SEMA5A: variants seen among roughly 807,000 people sequenced by gnomAD.
The protein encoded by SEMA5A is semaphorin-5A.
In SEMA5A, 55 loss-of-function variants were observed where a neutral mutation model predicts 135.5. The ratio of observed to expected loss-of-function variants is 0.41; its 90% CI spans 0.33 to 0.51. The LOEUF is 0.51. Ranked by LOEUF, SEMA5A falls within the 20% of genes least tolerant of loss-of-function variation. The pLI, the probability that SEMA5A is intolerant of heterozygous loss-of-function variation, is 0.37. For missense variants in SEMA5A, 1,290 were observed against 1,419.9 expected, an observed-to-expected ratio of 0.91 and a Z score of 1.47; for synonymous variants, 580 against 546.5, an observed-to-expected ratio of 1.06 and a Z score of -0.85.
chr5:9,513,860 G>A (rs114295625), intron 1 of SEMA5A, among the ~76,000 whole-genome samples: 67 of 152,286 alleles, frequency 4.4e-4, no homozygotes, highest in African/African-American at 1.5e-3. Context: ...AAGCTCACTA[G>A]TGAGATAGTG....
intron 16 of SEMA5A, among the ~76,000 whole-genome samples, chr5:9,090,948 G>T (rs1738998844): frequency 6.6e-6 from 1 of 152,196 alleles, no homozygotes; most frequent in African/African-American, 2.4e-5. Flanking sequence ...TCTGCAAAGT[G>T]CCAGGCTTGT....
rs565336408 is a variant in SEMA5A, at chr5:9,520,423, G to T, written c.-175+25161C>A. ...GTCGCTGAAATGGAGTGAGGGGAAC[G>T]TGAGCCTCTTGAAGGACAGGGCACT... On this transcript the variant is annotated intron_variant, in intron 1 of 22. Transcript: ENST00000382496. Among the ~76,000 whole-genome samples, 6 of 152,248 alleles carry T rather than the reference G, an allele frequency of 3.9e-5. No homozygotes were observed. The South Asian group carries it at 1.2e-3, about 32-fold the overall frequency.
rs536094912 is a variant in SEMA5A, at chr5:9,287,270, T to C, written c.270+31102A>G. On this transcript the variant is annotated intron_variant, in intron 5 of 22. Transcript: ENST00000382496. ...TATTAACATCATCAGCTAGGGTTAA[T>C]TGAATATCTGTTAAGTAACTTTGGT... 4.6e-5 allele frequency among the ~76,000 whole-genome samples: 7 copies of C among 152,344 alleles called. No individual in the cohort carries two copies. The East Asian group carries it at 1.2e-3, about 25-fold the overall frequency.
At chr5:9,238,825 T>G (rs2150455500) in intron 5 of SEMA5A, among the ~76,000 whole-genome samples, 1 of 152,266 alleles carries the variant, frequency 6.6e-6, no homozygotes, top group Non-Finnish European at 1.5e-5. Context: ...ATTGGATTTC[T>G]GAAGGAACAG....
chr5:9,237,939 A>G lies in SEMA5A; in HGVS notation c.271-49T>C, dbSNP rs1421163471. ...GCAGTCATGGTTTTGACTAAATAAAAGGGAAAATATAAACAAGGTAACAAG... is the reference window on the plus strand; with the variant it reads ...GCAGTCATGGTTTTGACTAAATAAAGGGGAAAATATAAACAAGGTAACAAG... On this transcript the variant is annotated intron_variant, in intron 5 of 22. Coordinates refer to ENST00000382496, the MANE Select transcript of SEMA5A (RefSeq NM_003966.3). The G allele has an allele frequency of 2.6e-6, 4 of 1,565,054 alleles. No homozygotes were observed. The East Asian group carries it at 9.0e-5, about 35-fold the overall frequency.
chr5:9,486,902 A>G (rs990198179), intron 1 of SEMA5A, among the ~76,000 whole-genome samples: 1 of 152,192 alleles, frequency 6.6e-6, no homozygotes, highest in Admixed American at 6.5e-5. Context: ...TCAAATTTTC[A>G]AAAGAAAAAT....
At chr5:9,362,287 C>A (rs990514511) in intron 3 of SEMA5A, among the ~76,000 whole-genome samples, 1 of 152,166 alleles carries the variant, frequency 6.6e-6, no homozygotes, top group African/African-American at 2.4e-5. Flanking sequence ...GGATTCCAGA[C>A]TTGACCTCTC....
chr5:9,111,853 C>G (rs1405448684), intron 15 of SEMA5A, among the ~76,000 whole-genome samples: 2 of 152,170 alleles, frequency 1.3e-5, no homozygotes, highest in African/African-American at 4.8e-5. Context: ...GCCCCCAGCC[C>G]AACTAACTCA....
chr5:9,400,905 G>C (rs1163900244), intron 2 of SEMA5A, among the ~76,000 whole-genome samples: 1 of 151,868 alleles, frequency 6.6e-6, no homozygotes. Flanking sequence ...ACATTACCTA[G>C]AATTATAAAT....
chr5:9,103,897 A>G (rs1398407650), intron 16 of SEMA5A, among the ~76,000 whole-genome samples: 1 of 152,202 alleles, frequency 6.6e-6, no homozygotes, highest in Non-Finnish European at 1.5e-5. Context: ...GCTCATGATG[A>G]TCTCCTAATA....
At chr5:9,247,332 T>C (rs933584744) in intron 5 of SEMA5A, among the ~76,000 whole-genome samples, 1 of 152,198 alleles carries the variant, frequency 6.6e-6, no homozygotes, top group African/African-American at 2.4e-5. Context: ...AGACATTCTG[T>C]ATGAACTGTC....
At position 9,337,752 on chromosome 5, in the gene SEMA5A, G is replaced by A. The variant is rs1753456891; in HGVS notation, c.185C>T (p.Thr62Ile). 6.2e-7 allele frequency: 1 copy of A among 1,611,892 alleles called. No homozygotes were observed. Among genetic ancestry groups the A allele is most frequent in the Non-Finnish European group, 8.5e-7 (1 of 1,178,562 alleles). Residue 62 changes from threonine (T) to isoleucine (I), a missense_variant, in exon 4 of 23, where the codon ACA becomes ATA. Thr to Ile is a moderately conservative substitution (Grantham distance 89, BLOSUM62 -1). Coordinates refer to ENST00000382496, the MANE Select transcript of SEMA5A (RefSeq NM_003966.3). ...AKNAVDFSQL[T>I]FDPGQKELVV... Reference sequence around the variant, plus strand: ...AAGTTCTTTCTGTCCTGGGTCAAATGTTAACTGCGAGAAATCCACAGCATT... The same window carrying A: ...AAGTTCTTTCTGTCCTGGGTCAAATATTAACTGCGAGAAATCCACAGCATT...
At chr5:9,409,954 C>A (rs981280776) in intron 2 of SEMA5A, among the ~76,000 whole-genome samples, 13 of 145,238 alleles carry the variant, frequency 9.0e-5, no homozygotes, top group Non-Finnish European at 1.6e-4. Context: ...TTTTTTCTAT[C>A]CAGGCACAAT....
chr5:9,062,599 G>A (rs985819618), intron 18 of SEMA5A, among the ~76,000 whole-genome samples: 1 of 152,124 alleles, frequency 6.6e-6, no homozygotes, highest in East Asian at 1.9e-4. Context: ...CAGAATGACT[G>A]GGACTACAGG....
intron 1 of SEMA5A, among the ~76,000 whole-genome samples, chr5:9,465,961 G>C (rs1285145656): frequency 6.6e-6 from 1 of 152,212 alleles, no homozygotes; most frequent in Non-Finnish European, 1.5e-5. Flanking sequence ...GAGACGTCCA[G>C]TGTTGCTAAC....
chr5:9,277,892 G>A lies in SEMA5A; in HGVS notation c.271-40002C>T, dbSNP rs1007094602. Among the ~76,000 whole-genome samples the A allele has an allele frequency of 5.3e-5, 8 of 151,952 alleles. No individual in the cohort carries two copies. In the East Asian group the frequency reaches 1.5e-3, roughly 29 times the overall value. ...GTTGATGGGTGCAGCAAACCACCGT[G>A]GCACGTGTATATGTATGTAACAGAC... On this transcript the variant is annotated intron_variant, in intron 5 of 22. Transcript: ENST00000382496.
At chr5:9,455,627 C>T (rs188755093) in intron 1 of SEMA5A, among the ~76,000 whole-genome samples, 1 of 152,144 alleles carries the variant, frequency 6.6e-6, no homozygotes, top group Non-Finnish European at 1.5e-5. Flanking sequence ...TGGGCCAGAA[C>T]AGAGAAGGGT....
chr5:9,096,725 T>C (rs1322984350), intron 16 of SEMA5A, among the ~76,000 whole-genome samples: 2 of 152,064 alleles, frequency 1.3e-5, no homozygotes, highest in Non-Finnish European at 2.9e-5. Flanking sequence ...CCAAGGTATA[T>C]AAAGAACTCA....
intron 1 of SEMA5A, among the ~76,000 whole-genome samples, chr5:9,532,040 T>C (rs2126333469): frequency 6.6e-6 from 1 of 152,338 alleles, no homozygotes. Context: ...ATCTATGGAA[T>C]GTTTTTATCA....
Sources: gnomAD v4.1 joint callset for allele counts (sites outside exome capture counted in the v4.1 genomes callset) on GRCh38, gnomAD v4.1.1 for gene constraint, MANE v1.5 for transcripts, NCBI Gene and HGNC (gene_info 2026-07-23, HGNC 2026-07-21) for gene names.